The following FAM13A variants were observed in gnomAD, a reference collection of about 807,000 sequenced individuals.
FAM13A encodes the protein family with sequence similarity 13 member A.
A neutral mutation model predicts 129.6 loss-of-function variants in FAM13A; 76 were observed. The ratio of observed to expected loss-of-function variants is 0.59; its 90% CI spans 0.49 to 0.71. The LOEUF is 0.71. FAM13A is among the 30% of genes least tolerant of loss of function. The pLI is 0.00. For synonymous variants in FAM13A, 443 were observed against 449.9 expected (o/e 0.98, Z 0.20); for missense variants, 1,108 against 1,249.3 (o/e 0.89, Z 1.70).
At chr4:89,036,787 C>A (rs975317399) in intron 1 of FAM13A, among the ~76,000 whole-genome samples, 2 of 152,228 alleles carry the variant, frequency 1.3e-5, no homozygotes, top group African/African-American at 2.4e-5. Context: ...GTGTCCCAAT[C>A]ACTCCAGCTC....
intron 7 of FAM13A, among the ~76,000 whole-genome samples, chr4:88,810,444 A>G (rs1729457614): frequency 1.3e-5 from 2 of 152,148 alleles, no homozygotes; most frequent in Non-Finnish European, 2.9e-5. Context: ...TAATGTCCTT[A>G]TAAAAAGGGG....
intron 1 of FAM13A, among the ~76,000 whole-genome samples, chr4:89,040,986 T>C (rs190079380): frequency 2.6e-4 from 39 of 152,306 alleles, no homozygotes; most frequent in Admixed American, 2.4e-3. Flanking sequence ...GACTTCAAGT[T>C]CTTCAGCTTT....
chr4:88,792,251 T>C (rs73842223), intron 8 of FAM13A, among the ~76,000 whole-genome samples: 11 of 152,194 alleles, frequency 7.2e-5, no homozygotes, highest in Non-Finnish European at 1.5e-4. Context: ...AAAGGTTAAA[T>C]AACTTACCCA....
chr4:89,007,913 AC>A (rs1765259292), intron 3 of FAM13A, among the ~76,000 whole-genome samples: 2 of 152,236 alleles, frequency 1.3e-5, no homozygotes, highest in African/African-American at 4.8e-5. Flanking sequence ...ACCTAACGGC[AC>A]CCATTACTGT....
intron 6 of FAM13A, among the ~76,000 whole-genome samples, chr4:88,890,638 G>T (rs898050129): frequency 6.6e-6 from 1 of 152,024 alleles, no homozygotes; most frequent in African/African-American, 2.4e-5. Context: ...AATAGATGCA[G>T]AAAAGAAAGG....
At chr4:89,041,601 C>A (rs147726071) in intron 1 of FAM13A, among the ~76,000 whole-genome samples, 55 of 152,226 alleles carry the variant, frequency 3.6e-4, no homozygotes, top group African/African-American at 1.3e-3. Flanking sequence ...TTAAAAATTT[C>A]TTTGTGGTGA....
intron 9 of FAM13A, among the ~76,000 whole-genome samples, chr4:88,790,088 T>C (rs1724815851): frequency 6.6e-6 from 1 of 152,142 alleles, no homozygotes; most frequent in African/African-American, 2.4e-5. Flanking sequence ...CTAATTTGCT[T>C]TCTTTTCTGC....
intron 1 of FAM13A, among the ~76,000 whole-genome samples, chr4:89,036,414 G>T (rs1275705498): frequency 6.6e-6 from 1 of 152,192 alleles, no homozygotes. Flanking sequence ...TGACCTGGCT[G>T]CTTCTAACAG....
At position 89,025,260 on chromosome 4, in the gene FAM13A, T is replaced by TA. The variant is rs1560851958; in HGVS notation, c.217+4199_217+4200insT. Among the ~76,000 whole-genome samples, 980 of 122,166 alleles carry TA rather than the reference T, an allele frequency of 8.0e-3. 24 individuals carry two copies. Among genetic ancestry groups the TA allele is most frequent in the African/African-American group, 0.027 (935 of 34,728 alleles). The allele number at this position is 122,166 out of a possible 152,430, so 80.1% of individuals were successfully genotyped here. On this transcript the variant is annotated intron_variant, in intron 2 of 23. Coordinates refer to ENST00000264344, the MANE Select transcript of FAM13A (RefSeq NM_014883.4). ...TGGAATCATTGTTTTTTTTTTTTTT[T>TA]TTTTTTTTTTTTTTTGAGACGGAGT...
At chr4:88,852,360 C>T (rs181170569) in intron 6 of FAM13A, among the ~76,000 whole-genome samples, 1 of 152,098 alleles carries the variant, frequency 6.6e-6, no homozygotes, top group Non-Finnish European at 1.5e-5. Flanking sequence ...TGTGGTTTCA[C>T]CATGTTGGCC....
intron 7 of FAM13A, among the ~76,000 whole-genome samples, chr4:88,840,013 G>A (rs1735550367): frequency 6.6e-6 from 1 of 152,206 alleles, no homozygotes; most frequent in Admixed American, 6.5e-5. Flanking sequence ...TTGAGAGGAC[G>A]TCAGAGGACT....
At chr4:88,887,413 G>A (rs1744600048) in intron 6 of FAM13A, among the ~76,000 whole-genome samples, 1 of 152,054 alleles carries the variant, frequency 6.6e-6, no homozygotes, top group South Asian at 2.1e-4. Flanking sequence ...TTACTATTAA[G>A]TGACAGTTGC....
chr4:88,969,126 C>T (rs1330688524), intron 4 of FAM13A, among the ~76,000 whole-genome samples: 1 of 151,996 alleles, frequency 6.6e-6, no homozygotes, highest in Admixed American at 6.6e-5. Flanking sequence ...CACAAAAAAA[C>T]AAAATCTCAC....
At chr4:89,007,752 A>G (rs1255056245) in intron 3 of FAM13A, among the ~76,000 whole-genome samples, 1 of 152,264 alleles carries the variant, frequency 6.6e-6, no homozygotes, top group East Asian at 1.9e-4. Context: ...ATTGGAATGG[A>G]GCCAAAGCCT....
At chr4:88,741,068 G>T (rs899585164) in intron 19 of FAM13A, among the ~76,000 whole-genome samples, 11 of 152,200 alleles carry the variant, frequency 7.2e-5, no homozygotes, top group African/African-American at 2.7e-4. Flanking sequence ...CTCCTTCACT[G>T]CTGGTAAGAG....
intron 7 of FAM13A, among the ~76,000 whole-genome samples, chr4:88,817,124 C>T (rs1356319463): frequency 1.3e-5 from 2 of 152,104 alleles, no homozygotes; most frequent in African/African-American, 4.8e-5. Context: ...GAAGAAACTA[C>T]TCACAAAAGA....
intron 19 of FAM13A, among the ~76,000 whole-genome samples, chr4:88,743,893 G>C (rs925861749): frequency 3.9e-5 from 6 of 152,200 alleles, no homozygotes; most frequent in African/African-American, 1.4e-4. Flanking sequence ...GAAGTAGTTT[G>C]AGTTTGTGTG....
At chr4:88,896,440 C>G (rs1423983869) in intron 6 of FAM13A, among the ~76,000 whole-genome samples, 3 of 151,936 alleles carry the variant, frequency 2.0e-5, no homozygotes, top group Non-Finnish European at 4.4e-5. Context: ...AAAAAAAATT[C>G]AATGTTTATT....
intron 8 of FAM13A, among the ~76,000 whole-genome samples, chr4:88,792,888 A>G (rs1275043536): frequency 6.6e-6 from 1 of 152,050 alleles, no homozygotes; most frequent in Non-Finnish European, 1.5e-5. Context: ...GGGTGAAGAA[A>G]GAAAGGCAAG....
Sources: gnomAD v4.1 joint callset for allele counts (sites outside exome capture counted in the v4.1 genomes callset) on GRCh38, gnomAD v4.1.1 for gene constraint, MANE v1.5 for transcripts, NCBI Gene and HGNC (gene_info 2026-07-23, HGNC 2026-07-21) for gene names.